The following PCDHGA8 variants were observed in gnomAD, a reference collection of about 807,000 sequenced individuals.
The protein encoded by PCDHGA8 is protocadherin gamma-A8.
Under a neutral mutation model 59.2 loss-of-function variants are expected in PCDHGA8, and 45 were observed. That is an observed-to-expected ratio of 0.76 (90% CI 0.60 to 0.98). The LOEUF (loss-of-function observed/expected upper bound fraction) is 0.98, where lower values mean the gene tolerates loss of function less well. Among genes scored for constraint, PCDHGA8 ranks in the 50% least tolerant of loss-of-function variants. The pLI, the probability that PCDHGA8 is intolerant of heterozygous loss-of-function variation, is 0.00. For missense variants in PCDHGA8, 1,257 were observed against 1,196.2 expected, an observed-to-expected ratio of 1.05 and a Z score of -0.75; for synonymous variants, 531 against 519.0, an observed-to-expected ratio of 1.02 and a Z score of -0.32.
chr5:141,427,149 A>G (rs1303323489), intron 1 of PCDHGA8: 1 of 456,850 alleles, frequency 2.2e-6, no homozygotes, highest in Non-Finnish European at 4.4e-6. Context: ...TATTGGAAAT[A>G]TGTTTGTGCT....
chr5:141,462,983 T>C (rs530985795), intron 1 of PCDHGA8, among the ~76,000 whole-genome samples: 278 of 152,304 alleles, frequency 1.8e-3, no homozygotes, highest in Non-Finnish European at 3.4e-3. Flanking sequence ...AACTTTTGCC[T>C]TGGGCTAATT....
In PCDHGA8 at chr5:141,490,453, T is replaced by C; in HGVS notation, c.2425-4354T>C. 6.2e-7 allele frequency: 1 copy of C among 1,614,178 alleles called. No homozygotes were observed. Among genetic ancestry groups the C allele is most frequent in the Non-Finnish European group, 8.5e-7 (1 of 1,180,042 alleles). ...GATTAAGCCTTCTGAGAACCACTAC[T>C]CGCTGCTAACCAGCCAGCCTTTGGA... On this transcript the variant is annotated intron_variant, in intron 1 of 3. Coordinates refer to ENST00000398604, the MANE Select transcript of PCDHGA8 (RefSeq NM_032088.2). This position sits in a 1 kb window ranked among gnomAD's most constrained non-coding sequence, Gnocchi z 5.4.
rs1210809217 is a variant in PCDHGA8 at position 141,432,990 on chromosome 5, A to G, written c.2424+37753A>G. The G allele has an allele frequency of 6.2e-7, 1 of 1,614,152 alleles. No individual in the cohort carries two copies. The highest frequency in any genetic ancestry group is 1.7e-5 in the Admixed American group (1 of 60,022). ...CCGGCGTCGCACTTTGTGGGCGTGGACGGGGTGCAGGCTTTCCTGCAGACC... is the reference window on the plus strand; with the variant it reads ...CCGGCGTCGCACTTTGTGGGCGTGGGCGGGGTGCAGGCTTTCCTGCAGACC... On this transcript the variant is annotated intron_variant, in intron 1 of 3. Transcript: ENST00000398604. This position sits in a 1 kb window ranked among gnomAD's most constrained non-coding sequence, Gnocchi z 6.0.
At position 141,449,274 on chromosome 5, in the gene PCDHGA8, T is replaced by C. The variant is rs569352843; in HGVS notation, c.2425-45533T>C. 3.9e-5 allele frequency among the ~76,000 whole-genome samples: 6 copies of C among 152,260 alleles called. No individual in the cohort carries two copies. In the East Asian group the frequency reaches 1.2e-3, roughly 29 times the overall value. On this transcript the variant is annotated intron_variant, in intron 1 of 3. Transcript: ENST00000398604. ...GAATTGTACAAAGAACTGTATCTCC[T>C]TCACCCGGATGCACCGGGTGAATTA...
chr5:141,418,938 C>A, intron 1 of PCDHGA8: 3 of 1,613,738 alleles, frequency 1.9e-6, no homozygotes, highest in Non-Finnish European at 2.5e-6. Flanking sequence ...ATGGAGGATT[C>A]CCCTCCAGGA....
chr5:141,395,186 G>A lies in PCDHGA8; in HGVS notation c.2373G>A (p.Leu791=). 1 of 1,614,086 alleles carries A rather than the reference G, an allele frequency of 6.2e-7. No homozygotes were observed. Among genetic ancestry groups the A allele is most frequent in the Non-Finnish European group, 8.5e-7 (1 of 1,179,976 alleles). The change falls in exon 1 of 4, where the codon TTG becomes TTA. Residue 791 remains leucine, a synonymous_variant. Transcript: ENST00000398604. ...AGGGCTGTGAGAAAAATGATTCTTT[G>A]TTAACATCCGTAGATTTTCATGAAT... ...SQEGCEKNDS[L]LTSVDFHEYK...
In PCDHGA8 at chr5:141,445,037, GT is replaced by G. The variant is rs2098454887; in HGVS notation, c.2425-49766del. 5.3e-5 allele frequency among the ~76,000 whole-genome samples: 8 copies of G among 152,072 alleles called. No homozygotes were observed. In the South Asian group the frequency reaches 1.7e-3, roughly 32 times the overall value. On this transcript the variant is annotated intron_variant, in intron 1 of 3. Transcript: ENST00000398604. ...TAATTTCTCTCAGCTATGTTGTATAGTTTTCAGTGTAGAGAGGTCATGTATA... is the reference window on the plus strand; with the variant it reads ...TAATTTCTCTCAGCTATGTTGTATAGTTTCAGTGTAGAGAGGTCATGTATA...
At chr5:141,408,479 G>A in intron 1 of PCDHGA8, 1 of 1,614,074 alleles carries the variant, frequency 6.2e-7, no homozygotes, top group Non-Finnish European at 8.5e-7. Flanking sequence ...AATAGACCGT[G>A]AGCAAATATG....
intron 1 of PCDHGA8, chr5:141,405,091 C>G (rs761186505): frequency 8.1e-6 from 13 of 1,613,814 alleles, no homozygotes; most frequent in Non-Finnish European, 1.1e-5. Flanking sequence ...CGCTGCTGGC[C>G]CTCAGGCTGA....
chr5:141,448,565 AT>A (rs2098595794), intron 1 of PCDHGA8, among the ~76,000 whole-genome samples: 1 of 152,070 alleles, frequency 6.6e-6, no homozygotes, highest in Non-Finnish European at 1.5e-5. Flanking sequence ...ATATATTTTT[AT>A]TTCCCCATTT....
chr5:141,412,998 T>G, intron 1 of PCDHGA8: 1 of 586,036 alleles, frequency 1.7e-6, no homozygotes, highest in Non-Finnish European at 2.9e-6. Context: ...ATCCGGATTC[T>G]CAGGGCTTCA....
chr5:141,494,948 G>C (rs909146), intron 2 of PCDHGA8, 83 bp downstream of exon 2: 1 of 1,608,226 alleles, frequency 6.2e-7, no homozygotes, highest in South Asian at 1.1e-5. Flanking sequence ...GGAGGGCCCA[G>C]CATTTGCTAC....
intron 1 of PCDHGA8, chr5:141,413,182 G>A (rs752788034): frequency 6.2e-7 from 1 of 1,604,164 alleles, no homozygotes; most frequent in Non-Finnish European, 8.5e-7. Context: ...TACAATGGCC[G>A]CTCAAAGGAA....
chr5:141,431,411 G>A lies in PCDHGA8; in HGVS notation c.2424+36174G>A. On this transcript the variant is annotated intron_variant, in intron 1 of 3. Coordinates refer to ENST00000398604, the MANE Select transcript of PCDHGA8 (RefSeq NM_032088.2). This position sits in a 1 kb window ranked among gnomAD's most constrained non-coding sequence, Gnocchi z 4.8. ...CCTGGTCCTTACGGCCTCCGACGGG[G>A]GCGACCCGGTGCGCACAGGCACCGC... 3 of 1,613,728 alleles carry A rather than the reference G, an allele frequency of 1.9e-6. No individual in the cohort carries two copies. The highest frequency in any genetic ancestry group is 2.5e-6 in the Non-Finnish European group (3 of 1,180,038).
chr5:141,429,488 T>TA (rs748742046), intron 1 of PCDHGA8, among the ~76,000 whole-genome samples: 13 of 152,096 alleles, frequency 8.5e-5, no homozygotes, highest in Non-Finnish European at 1.6e-4. Flanking sequence ...TAGCTGAGAC[T>TA]ACAGTTGCCT....
chr5:141,456,576 A>C (rs1383992335), intron 1 of PCDHGA8, among the ~76,000 whole-genome samples: 2 of 152,188 alleles, frequency 1.3e-5, no homozygotes, highest in African/African-American at 4.8e-5. Context: ...ATTTTCCCTG[A>C]GCCTGTCAAT....
intron 1 of PCDHGA8, chr5:141,422,638 T>G (rs1412270971): frequency 6.2e-7 from 1 of 1,612,392 alleles, no homozygotes. Context: ...CAGGGGTGCC[T>G]CCATCTTCTC....
At position 141,477,369 on chromosome 5, in the gene PCDHGA8, A is replaced by G; in HGVS notation, c.2425-17438A>G. The G allele has an allele frequency of 6.2e-7, 1 of 1,614,164 alleles. No individual in the cohort carries two copies. Among genetic ancestry groups the G allele is most frequent in the Non-Finnish European group, 8.5e-7 (1 of 1,180,026 alleles). ...AAAACCAGTGCAGACCTGGATCGGG[A>G]GACTGTGCCAGAATACAACCTCAGC... On this transcript the variant is annotated intron_variant, in intron 1 of 3. Transcript: ENST00000398604. The surrounding 1 kb of genome is among the most constrained non-coding windows in gnomAD (Gnocchi z 4.9).
rs372326132 is a variant in PCDHGA8 at position 141,486,185 on chromosome 5, G to A, written c.2425-8622G>A. On this transcript the variant is annotated intron_variant, in intron 1 of 3. Coordinates refer to ENST00000398604, the MANE Select transcript of PCDHGA8 (RefSeq NM_032088.2). The surrounding 1 kb of genome is among the most constrained non-coding windows in gnomAD (Gnocchi z 5.0). ...CATGGAGCAACATTGCAGCCTTCGAGTGGATCTGCTGGACGTAAATGACAA... is the reference window on the plus strand; with the variant it reads ...CATGGAGCAACATTGCAGCCTTCGAATGGATCTGCTGGACGTAAATGACAA... 42 of 1,614,108 alleles carry A rather than the reference G, an allele frequency of 2.6e-5. No homozygotes were observed. The highest frequency in any genetic ancestry group is 3.4e-5 in the Non-Finnish European group (40 of 1,180,048).
Sources: gnomAD v4.1 joint callset for allele counts (sites outside exome capture counted in the v4.1 genomes callset) on GRCh38, gnomAD v4.1.1 for gene constraint, Gnocchi (gnomAD v3.1) non-coding constraint, MANE v1.5 for transcripts, NCBI Gene and HGNC (gene_info 2026-07-23, HGNC 2026-07-21) for gene names.